FARP1: variants seen among roughly 807,000 people sequenced by gnomAD.
FARP1 encodes the protein FERM, ARH/RhoGEF and pleckstrin domain protein 1.
Under a neutral mutation model 128.8 loss-of-function variants are expected in FARP1, and 52 were observed. The ratio of observed to expected loss-of-function variants is 0.40; its 90% confidence interval spans 0.32 to 0.51. FARP1 has a LOEUF of 0.51. FARP1 is among the 20% of genes least tolerant of loss of function. The pLI, the probability that FARP1 is intolerant of heterozygous loss-of-function variation, is 0.45. For missense variants in FARP1, 1,333 were observed against 1,367.9 expected (o/e 0.97, Z 0.40); for synonymous variants, 580 against 551.8 (o/e 1.05, Z -0.72).
At chr13:98,310,784 T>C (rs116135347) in intron 2 of FARP1, among the ~76,000 whole-genome samples, 3,354 of 151,324 alleles carry the variant, frequency 0.022, 57 homozygotes, top group African/African-American at 0.034. Context: ...TCAAATTGTT[T>C]ATTGAGATTT....
At chr13:98,410,979 A>G (rs1432072605) in intron 15 of FARP1, among the ~76,000 whole-genome samples, 156 bp downstream of exon 15, 8 of 152,220 alleles carry the variant, frequency 5.3e-5, no homozygotes, top group Admixed American at 1.3e-4. Flanking sequence ...TGCTAATAGT[A>G]TATTTAATTG....
intron 2 of FARP1, among the ~76,000 whole-genome samples, chr13:98,309,598 T>G (rs980025574): frequency 6.6e-6 from 1 of 152,126 alleles, no homozygotes; most frequent in African/African-American, 2.4e-5. Flanking sequence ...AAGAGGCTGG[T>G]GCGAGATGGG....
chr13:98,263,484 C>T (rs1883969646), intron 2 of FARP1, among the ~76,000 whole-genome samples: 1 of 152,156 alleles, frequency 6.6e-6, no homozygotes, highest in Admixed American at 6.5e-5. Context: ...GTACTTGGAT[C>T]TATTTTCAAG....
chr13:98,157,202 A>C (rs1206229522), intron 1 of FARP1, among the ~76,000 whole-genome samples: 1 of 152,190 alleles, frequency 6.6e-6, no homozygotes, highest in South Asian at 2.1e-4. Context: ...TAAAGTGATC[A>C]TTGTGTGAGA....
At chr13:98,365,548 A>G (rs1388358651) in intron 4 of FARP1, 111 bp downstream of exon 4, 4 of 683,560 alleles carry the variant, frequency 5.9e-6, no homozygotes, top group African/African-American at 1.8e-5. Context: ...AAATTCTTCT[A>G]CCCCATAATT....
At chr13:98,163,708 C>T (rs1877043993) in intron 1 of FARP1, among the ~76,000 whole-genome samples, 1 of 93,296 alleles carries the variant, frequency 1.1e-5, no homozygotes. Context: ...TTAGCATGGC[C>T]TTTTCTTTTT....
chr13:98,415,503 G>T (rs1344750990), intron 16 of FARP1, among the ~76,000 whole-genome samples: 1 of 152,218 alleles, frequency 6.6e-6, no homozygotes, highest in Non-Finnish European at 1.5e-5. Context: ...CTTTGCCCAT[G>T]GGGGACTTGC....
At chr13:98,221,703 A>C (rs1881423876) in intron 2 of FARP1, among the ~76,000 whole-genome samples, 1 of 152,064 alleles carries the variant, frequency 6.6e-6, no homozygotes. Flanking sequence ...TAGCTTCAAA[A>C]CTTTTCCATT....
chr13:98,171,874 C>T (rs1326819718), intron 1 of FARP1, among the ~76,000 whole-genome samples: 3 of 152,144 alleles, frequency 2.0e-5, no homozygotes, highest in Non-Finnish European at 4.4e-5. Flanking sequence ...TGCCCCTGAA[C>T]GTATCTGCAC....
chr13:98,255,356 C>T (rs1194848049), intron 2 of FARP1, among the ~76,000 whole-genome samples: 2 of 152,072 alleles, frequency 1.3e-5, no homozygotes, highest in Non-Finnish European at 2.9e-5. Flanking sequence ...AAAAAAATAG[C>T]CGGGCATGGT....
At chr13:98,161,124 A>G (rs1223062109) in intron 1 of FARP1, among the ~76,000 whole-genome samples, 1 of 151,716 alleles carries the variant, frequency 6.6e-6, no homozygotes, top group Non-Finnish European at 1.5e-5. Context: ...TCCTTTTTAC[A>G]TTTTTAAGAA....
intron 1 of FARP1, among the ~76,000 whole-genome samples, chr13:98,153,467 T>TAAATATAATATATAATACATTATATAA (rs1566670583): frequency 7.1e-5 from 3 of 42,094 alleles, no homozygotes; most frequent in Non-Finnish European, 2.7e-4. Flanking sequence ...ACATTATATA[T>TAAATATAATATATAATACATTATATAA]AAATATGTAT....
chr13:98,371,216 CCGT>C (rs1355347119), intron 5 of FARP1, among the ~76,000 whole-genome samples: 2 of 101,906 alleles, frequency 2.0e-5, no homozygotes, highest in Non-Finnish European at 4.4e-5. Context: ...CCCCCGCCCC[CCGT>C]TTTTTTTTTT....
intron 2 of FARP1, among the ~76,000 whole-genome samples, chr13:98,325,888 C>T (rs1473204800): frequency 6.6e-6 from 1 of 152,244 alleles, no homozygotes; most frequent in Non-Finnish European, 1.5e-5. Flanking sequence ...GTTCCCAAGA[C>T]TCCGCAACAG....
In FARP1 at chr13:98,160,970, G is replaced by C. The variant is rs755092705; in HGVS notation, c.-24+17478G>C. On this transcript the variant is annotated intron_variant, in intron 1 of 26. Coordinates refer to ENST00000319562, the MANE Select transcript of FARP1 (RefSeq NM_005766.4). ...CGGGAGTACAGGAGTGAGCCACCGC[G>C]CCTGGCTTATATTTGCCTTATTTTG... Among the ~76,000 whole-genome samples, 7 of 152,108 alleles carry C rather than the reference G, an allele frequency of 4.6e-5. No individual in the cohort carries two copies. The East Asian group carries it at 1.4e-3, about 29-fold the overall frequency.
chr13:98,280,107 G>T (rs532618249), intron 2 of FARP1, among the ~76,000 whole-genome samples: 1 of 152,122 alleles, frequency 6.6e-6, no homozygotes, highest in African/African-American at 2.4e-5. Context: ...AGTGCCCGTG[G>T]CTCCCCTCCA....
intron 2 of FARP1, chr13:98,341,091 G>GT (rs1357467964): frequency 2.6e-5 from 4 of 151,696 alleles, no homozygotes; most frequent in Non-Finnish European, 5.9e-5. Flanking sequence ...TGCAGAATGT[G>GT]TATCTTCTGG....
intron 2 of FARP1, among the ~76,000 whole-genome samples, chr13:98,258,775 C>T (rs549689286): frequency 6.6e-6 from 1 of 152,238 alleles, no homozygotes; most frequent in East Asian, 1.9e-4. Context: ...ATTTCTTACC[C>T]TCTTGATGAG....
At chr13:98,200,509 G>A (rs529757023) in intron 1 of FARP1, among the ~76,000 whole-genome samples, 1 of 151,584 alleles carries the variant, frequency 6.6e-6, no homozygotes, top group Non-Finnish European at 1.5e-5. Context: ...AAGAAGCACT[G>A]CAGTAGAGAG....
Sources: allele counts gnomAD v4.1 joint callset (sites outside exome capture counted in the v4.1 genomes callset), GRCh38; gene constraint gnomAD v4.1.1; transcripts MANE v1.5; gene names NCBI Gene and HGNC (gene_info 2026-07-23, HGNC 2026-07-21).